Variants in SCN8A observed in about 807,000 individuals in gnomAD.
The protein encoded by SCN8A is sodium channel protein type 8 subunit alpha.
SCN8A carries 30 observed loss-of-function variants against 184.1 expected under a neutral mutation model. The observed-to-expected ratio is 0.16, with a 90% CI of 0.12 to 0.22. SCN8A has a LOEUF of 0.22. SCN8A is among the 10% of genes least tolerant of loss of function. The pLI is 1.00. For missense variants in SCN8A, 1,057 were observed against 2,498.9 expected, an observed-to-expected ratio of 0.42 and a Z score of 12.30; for synonymous variants, 852 against 907.0, an observed-to-expected ratio of 0.94 and a Z score of 1.09.
chr12:51,713,576 G>A (rs1941917231), intron 11 of SCN8A: 2 of 705,424 alleles, frequency 2.8e-6, no homozygotes, highest in Admixed American at 2.1e-5. Context: ...GAGTCGGACT[G>A]GGGGCGACCA....
In SCN8A at chr12:51,699,673, G is replaced by A. The variant is rs377606066; in HGVS notation, c.810G>A (p.Leu270=). The A allele has an allele frequency of 2.6e-5, 42 of 1,614,000 alleles. No homozygotes were observed. The highest frequency in any genetic ancestry group is 1.6e-4 in the Middle Eastern group (1 of 6,084). Residue 270 remains leucine, a synonymous_variant, in exon 7 of 27, where the codon CTG becomes CTA. Coordinates refer to ENST00000627620, the MANE Select transcript of SCN8A (RefSeq NM_001330260.2). ...FCLSVFALIG[L]QLFMGNLRNK... ...TGAGTGTTTTTGCCTTGATCGGACT[G>A]CAGCTGTTCATGGGGAACCTTCGAA...
Position 51,807,634 on chromosome 12 carries a change from C to G in SCN8A, c.*205C>G. The stretch of plus-strand genomic sequence containing the variant: ...CAAAGGACCCCGCTCCCTAGACTTA[C>G]AGATTTTCTAATGCTTGGGCAGGTG... On this transcript the variant is annotated 3_prime_UTR_variant, in exon 27 of 27. Transcript: ENST00000627620. This position sits in a 1 kb window ranked among gnomAD's most constrained non-coding sequence, Gnocchi z 4.5. 1 of 610,140 alleles carries G rather than the reference C, an allele frequency of 1.6e-6. No individual in the cohort carries two copies. Among genetic ancestry groups the G allele is most frequent in the Non-Finnish European group, 2.9e-6 (1 of 349,034 alleles). 37.8% of individuals were successfully genotyped at this position (610,140 alleles called of 1,614,324 possible).
rs1050747567 is a variant in SCN8A at position 51,812,458 on chromosome 12, T to C, written c.*5029T>C. ...AAATGTTTTGTAAAGCGTTTTGAGA[T>C]ACAGAGGCAAAGGCGCTAGGGAAGG... On this transcript the variant is annotated 3_prime_UTR_variant, in exon 27 of 27. Coordinates refer to ENST00000627620, the MANE Select transcript of SCN8A (RefSeq NM_001330260.2). 2 of 152,274 alleles carry C rather than the reference T, an allele frequency of 1.3e-5. No homozygotes were observed. Among genetic ancestry groups the C allele is most frequent in the Non-Finnish European group, 2.9e-5 (2 of 68,094 alleles). 9.4% of individuals were successfully genotyped at this position (152,274 alleles called of 1,614,324 possible). A position where few individuals can be genotyped will look rare whatever the true frequency, so the allele number is the denominator to read the frequency against.
At chr12:51,688,908 T>C in intron 5 of SCN8A, 97 bp from the exon 6 acceptor site, 1 of 1,564,200 alleles carries the variant, frequency 6.4e-7, no homozygotes, top group Non-Finnish European at 8.8e-7. Flanking sequence ...TGACGTATTG[T>C]ACTTTTTGTT....
At chr12:51,722,149 ATTC>A in intron 12 of SCN8A, 1 of 602,598 alleles carries the variant, frequency 1.7e-6, no homozygotes, top group Non-Finnish European at 2.8e-6. Flanking sequence ...CCTTTCCTTT[ATTC>A]TTTGCTCCAT....
intron 12 of SCN8A, among the ~76,000 whole-genome samples, chr12:51,742,933 A>T (rs765386967): frequency 2.0e-5 from 3 of 152,044 alleles, no homozygotes; most frequent in Non-Finnish European, 4.4e-5. Context: ...AGTATTTTCA[A>T]ATAGCCTGTC....
chr12:51,685,538 A>G (rs1284043860), intron 3 of SCN8A, among the ~76,000 whole-genome samples: 1 of 152,222 alleles, frequency 6.6e-6, no homozygotes, highest in East Asian at 1.9e-4. Flanking sequence ...ATGAAATGGC[A>G]GTATGGTTTG....
intron 1 of SCN8A, among the ~76,000 whole-genome samples, chr12:51,625,003 A>C (rs531370830): frequency 6.6e-6 from 1 of 152,036 alleles, no homozygotes; most frequent in Non-Finnish European, 1.5e-5. Flanking sequence ...CACAGTCTAC[A>C]TCCTATCCTG....
chr12:51,596,410 A>G (rs911872695), intron 1 of SCN8A, among the ~76,000 whole-genome samples: 3 of 152,206 alleles, frequency 2.0e-5, no homozygotes, highest in African/African-American at 7.2e-5. Context: ...CAAGCTAAGG[A>G]CTATCTAACT....
At chr12:51,699,890 GGC>G in intron 7 of SCN8A, 99 bp downstream of exon 7, 1 of 986,964 alleles carries the variant, frequency 1.0e-6, no homozygotes, top group Non-Finnish European at 1.5e-6. Flanking sequence ...TTGGAGGCCG[GGC>G]GCGGTGGCTC....
chr12:51,622,393 T>C (rs7300982), intron 1 of SCN8A, among the ~76,000 whole-genome samples: 133,362 of 152,222 alleles, frequency 0.88, 58,644 homozygotes, highest in East Asian at 0.99. Flanking sequence ...GTCAAGAGTA[T>C]TACATTGCAT....
intron 14 of SCN8A, among the ~76,000 whole-genome samples, chr12:51,756,529 C>T (rs1160350235): frequency 2.6e-5 from 4 of 152,226 alleles, no homozygotes; most frequent in Non-Finnish European, 5.9e-5. Context: ...TGCTAAGTCC[C>T]CCACCCCCTC....
intron 1 of SCN8A, among the ~76,000 whole-genome samples, chr12:51,591,697 C>A (rs865777228): frequency 3.3e-5 from 5 of 152,268 alleles, no homozygotes; most frequent in African/African-American, 7.2e-5. Context: ...GCCCTCCATC[C>A]CTCCCTCAGT....
intron 12 of SCN8A, among the ~76,000 whole-genome samples, chr12:51,731,276 C>T (rs1196207140): frequency 6.6e-6 from 1 of 151,544 alleles, no homozygotes; most frequent in Non-Finnish European, 1.5e-5. Context: ...CTCACTCTGT[C>T]GCCCAGGCTG....
chr12:51,787,274 C>T (rs528968020), intron 22 of SCN8A, among the ~76,000 whole-genome samples: 1 of 152,342 alleles, frequency 6.6e-6, no homozygotes, highest in Admixed American at 6.5e-5. Context: ...CTTGGTGCCA[C>T]ACTCACCTCA....
chr12:51,599,544 G>A (rs1031153939), intron 1 of SCN8A, among the ~76,000 whole-genome samples: 1 of 152,186 alleles, frequency 6.6e-6, no homozygotes, highest in African/African-American at 2.4e-5. Flanking sequence ...GATAGAGTTA[G>A]CCAAATATTA....
chr12:51,697,740 C>A (rs1378435177), intron 6 of SCN8A, among the ~76,000 whole-genome samples: 4 of 152,160 alleles, frequency 2.6e-5, no homozygotes, highest in Admixed American at 1.3e-4. Flanking sequence ...TATTGTAAAT[C>A]CATTTTTATA....
At chr12:51,703,286 A>C (rs1218015419) in intron 9 of SCN8A, among the ~76,000 whole-genome samples, 1 of 151,794 alleles carries the variant, frequency 6.6e-6, no homozygotes, top group Admixed American at 6.6e-5. Flanking sequence ...TACTACAGGC[A>C]TGTACCACCA....
intron 1 of SCN8A, among the ~76,000 whole-genome samples, chr12:51,609,805 G>T (rs1221741256): frequency 1.4e-5 from 2 of 140,108 alleles, no homozygotes; most frequent in Non-Finnish European, 3.1e-5. Flanking sequence ...TCATACACCG[G>T]GGCCTGTTGT....
Sources: gnomAD v4.1 joint callset for allele counts (sites outside exome capture counted in the v4.1 genomes callset) on GRCh38, gnomAD v4.1.1 for gene constraint, Gnocchi (gnomAD v3.1) non-coding constraint, MANE v1.5 for transcripts, NCBI Gene and HGNC (gene_info 2026-07-23, HGNC 2026-07-21) for gene names.